RELT: variants seen among roughly 807,000 people sequenced by gnomAD.
RELT encodes RELT TNF receptor.
Under a neutral mutation model 51.1 loss-of-function variants are expected in RELT, and 37 were observed. The observed-to-expected ratio is 0.72, with a 90% CI of 0.56 to 0.95. The LOEUF (loss-of-function observed/expected upper bound fraction) is 0.95, where lower values mean the gene tolerates loss of function less well. Among genes scored for constraint, RELT ranks in the 40% least tolerant of loss-of-function variants. RELT has a pLI of 0.00. For synonymous variants in RELT, 241 were observed against 235.7 expected, an observed-to-expected ratio of 1.02 and a Z score of -0.21; for missense variants, 535 against 572.6, an observed-to-expected ratio of 0.93 and a Z score of 0.67.
At chr11:73,380,554 G>T (rs1242901594) in intron 1 of RELT, among the ~76,000 whole-genome samples, 1 of 152,158 alleles carries the variant, frequency 6.6e-6, no homozygotes, top group Non-Finnish European at 1.5e-5. Flanking sequence ...GCTGAGTCAC[G>T]CAGCCACTTG....
At chr11:73,379,681 G>A (rs1287713660) in intron 1 of RELT, among the ~76,000 whole-genome samples, 2 of 152,148 alleles carry the variant, frequency 1.3e-5, no homozygotes, top group African/African-American at 2.4e-5. Context: ...CTGGAAGCAG[G>A]CCCAAGACAC....
chr11:73,387,907 G>A (rs79213166), intron 1 of RELT, among the ~76,000 whole-genome samples: 26 of 152,320 alleles, frequency 1.7e-4, no homozygotes, highest in African/African-American at 5.8e-4. Flanking sequence ...CTGCCCCTGG[G>A]CTTAAGAGGC....
chr11:73,393,758 C>A (rs1318484487), intron 6 of RELT, 79 bp from the exon 7 acceptor site: 1 of 1,572,478 alleles, frequency 6.4e-7, no homozygotes. Context: ...CAGGGTTGCC[C>A]TCTGCTGGCA....
Position 73,394,599 on chromosome 11 carries a change from C to G in RELT, c.911C>G (p.Pro304Arg). ...CCSRCSQKKW[P>R]EVLLSPEAVA... ...TCCCGCTGTAGCCAGAAGAAGTGGC[C>G]CGAGGTGCTGCTGTCCCCTGAGGCT... Residue 304 changes from proline to arginine, a missense_variant, in exon 9 of 11, where the codon CCC becomes CGC. Physicochemically the swap from Pro to Arg is moderately radical, Grantham distance 103. Transcript: ENST00000064780. The surrounding 1 kb of genome is among the most constrained non-coding windows in gnomAD (Gnocchi z 4.9). 6.2e-7 allele frequency: 1 copy of G among 1,613,288 alleles called. No homozygotes were observed. Among genetic ancestry groups the G allele is most frequent in the Non-Finnish European group, 8.5e-7 (1 of 1,180,014 alleles).
At chr11:73,393,810 C>T (rs1486575507) in intron 6 of RELT, 27 bp from the exon 7 acceptor site, 1 of 1,610,350 alleles carries the variant, frequency 6.2e-7, no homozygotes, top group Non-Finnish European at 8.5e-7. Context: ...CCCTCTTCCC[C>T]AGGATCAGGG....
chr11:73,394,290 T>C lies in RELT; in HGVS notation c.761T>C (p.Val254Ala). 1 of 1,612,578 alleles carries C rather than the reference T, an allele frequency of 6.2e-7. No homozygotes were observed. Among genetic ancestry groups the C allele is most frequent in the Non-Finnish European group, 8.5e-7 (1 of 1,179,782 alleles). ...AAAGAGTACCACAGCAAACAGCTGG[T>C]GCAGACGAGCCACAGGCCTGTGTCC... ...LLKEYHSKQL[V>A]QTSHRPVSKL... Residue 254 changes from valine (V) to alanine (A), a missense_variant, in exon 8 of 11, where the codon GTG (valine) becomes GCG (alanine). Val to Ala is a moderately conservative substitution (Grantham distance 64). Coordinates refer to ENST00000064780, the MANE Select transcript of RELT (RefSeq NM_152222.2). The surrounding 1 kb of genome is among the most constrained non-coding windows in gnomAD (Gnocchi z 4.9).
chr11:73,381,744 T>C (rs1375948902), intron 1 of RELT, among the ~76,000 whole-genome samples: 1 of 152,140 alleles, frequency 6.6e-6, no homozygotes, highest in Non-Finnish European at 1.5e-5. Context: ...CCCCTTACAT[T>C]CCTGACCATG....
chr11:73,389,669 GT>G (rs1231167449), intron 2 of RELT, among the ~76,000 whole-genome samples: 1 of 152,226 alleles, frequency 6.6e-6, no homozygotes, highest in African/African-American at 2.4e-5. Flanking sequence ...GCATCTTGGG[GT>G]CTGCCCTGGG....
At chr11:73,391,737 C>T (rs749201516) in intron 5 of RELT, among the ~76,000 whole-genome samples, 3 of 152,136 alleles carry the variant, frequency 2.0e-5, no homozygotes, top group African/African-American at 4.8e-5. Context: ...TGTGATCGCC[C>T]CACTGCACTC....
chr11:73,383,442 A>G (rs1045039230), intron 1 of RELT, among the ~76,000 whole-genome samples: 2 of 152,226 alleles, frequency 1.3e-5, no homozygotes, highest in Non-Finnish European at 2.9e-5. Context: ...GGCAACTCCT[A>G]GAGGCCCCAT....
intron 6 of RELT, chr11:73,392,925 G>A (rs1866241936): frequency 9.8e-7 from 1 of 1,019,942 alleles, no homozygotes; most frequent in Non-Finnish European, 1.2e-6. Context: ...GCTGTAGTTT[G>A]AGTTACAAGG....
In RELT at chr11:73,388,782, C is replaced by A. The variant is rs534132381; in HGVS notation, c.-25-330C>A. ...CATCACGGACACAGGCCGCCACACG[C>A]GCTTCCTTCCCCTGCTGATGCCTCG... On this transcript the variant is annotated intron_variant, in intron 1 of 10. Coordinates refer to ENST00000064780, the MANE Select transcript of RELT (RefSeq NM_152222.2). The surrounding 1 kb of genome is among the most constrained non-coding windows in gnomAD (Gnocchi z 4.1). 6.6e-6 allele frequency among the ~76,000 whole-genome samples: 1 copy of A among 152,158 alleles called. No homozygotes were observed. Among genetic ancestry groups the A allele is most frequent in the South Asian group, 2.1e-4 (1 of 4,832 alleles).
At chr11:73,377,336 G>A (rs970665875) in intron 1 of RELT, among the ~76,000 whole-genome samples, 4 of 150,006 alleles carry the variant, frequency 2.7e-5, no homozygotes, top group African/African-American at 1.0e-4. Flanking sequence ...GAGGAGGAGG[G>A]ACCGGACCTA....
At chr11:73,395,046 G>A in intron 9 of RELT, 41 bp from the exon 10 acceptor site, 1 of 1,524,804 alleles carries the variant, frequency 6.6e-7, no homozygotes, top group South Asian at 1.1e-5. Context: ...TGTGCCCCGG[G>A]ATCCCCGCTA....
chr11:73,389,090 G>C (rs765413346), intron 1 of RELT, 22 bp from the exon 2 acceptor site: 3 of 1,351,258 alleles, frequency 2.2e-6, no homozygotes, highest in Non-Finnish European at 3.1e-6. Context: ...GCTCTGCCGA[G>C]CCTCCTCTCC....
chr11:73,393,571 T>C (rs1378732989), intron 6 of RELT: 1 of 1,428,226 alleles, frequency 7.0e-7, no homozygotes, highest in South Asian at 1.2e-5. Flanking sequence ...CCCGCCCAAT[T>C]CAATGACTGG....
Position 73,390,925 on chromosome 11 carries a change from A to G in RELT, c.287+4A>G, listed in dbSNP as rs764365701. The G allele has an allele frequency of 6.2e-7, 1 of 1,609,828 alleles. No individual in the cohort carries two copies. Among genetic ancestry groups the G allele is most frequent in the South Asian group, 1.1e-5 (1 of 90,488 alleles). On this transcript the variant is annotated splice_donor_region_variant and intron_variant, in intron 4 of 10. Coordinates refer to ENST00000064780, the MANE Select transcript of RELT (RefSeq NM_152222.2). ...TCTGTGGAGACTGCTGGCCTGGGTA[A>G]GCCAAAGGGAGTGCGGGGAGGGCTC...
At position 73,395,443 on chromosome 11, in the gene RELT, G is replaced by A. The variant is rs200036997; in HGVS notation, c.1246-1G>A. ...TCTGACCCCTCACCCCTGCCCACCA[G>A]GAGAACCGCTATGTGGTCCGGCTAA... On this transcript the variant is annotated splice_acceptor_variant, in intron 10 of 10. Coordinates refer to ENST00000064780, the MANE Select transcript of RELT (RefSeq NM_152222.2). LOFTEE classifies it high-confidence loss of function. 73 of 866,678 alleles carry A rather than the reference G, an allele frequency of 8.4e-5. No homozygotes were observed. In the East Asian group the frequency reaches 1.8e-3, roughly 21 times the overall value. The allele number at this position is 866,678 out of a possible 1,614,324, so 53.7% of individuals were successfully genotyped here. A position where few individuals can be genotyped will look rare whatever the true frequency, so the allele number is the denominator to read the frequency against.
At chr11:73,393,588 C>T (rs1310116136) in intron 6 of RELT, 13 of 1,455,168 alleles carry the variant, frequency 8.9e-6, no homozygotes, top group Admixed American at 2.1e-5. Flanking sequence ...CTGGAGTTCA[C>T]GTGGCCCTGA....
Sources: allele counts gnomAD v4.1 joint callset (sites outside exome capture counted in the v4.1 genomes callset), GRCh38; gene constraint gnomAD v4.1.1; non-coding constraint Gnocchi (gnomAD v3.1); transcripts MANE v1.5; gene names NCBI Gene and HGNC (gene_info 2026-07-23, HGNC 2026-07-21).